Variants in GPR176 observed in about 807,000 individuals in gnomAD.
The protein encoded by GPR176 is G protein-coupled receptor 176.
Under a neutral mutation model 35.4 loss-of-function variants are expected in GPR176, and 26 were observed. The observed-to-expected ratio is 0.74, with a 90% CI of 0.54 to 1.02. GPR176 has a LOEUF of 1.02. Among genes scored for constraint, GPR176 ranks in the 50% least tolerant of loss-of-function variants. The pLI is 0.00. For missense variants in GPR176, 597 were observed against 665.3 expected (o/e 0.90, Z 1.13); for synonymous variants, 278 against 271.3 (o/e 1.02, Z -0.24).
chr15:39,918,537 TG>T (rs1297920531), intron 1 of GPR176, among the ~76,000 whole-genome samples: 1 of 152,172 alleles, frequency 6.6e-6, no homozygotes, highest in Admixed American at 6.5e-5. Flanking sequence ...ACACTTTAAG[TG>T]TGACAATACT....
intron 1 of GPR176, among the ~76,000 whole-genome samples, chr15:39,884,010 A>C (rs1320088122): frequency 1.3e-5 from 2 of 152,194 alleles, no homozygotes; most frequent in Non-Finnish European, 2.9e-5. Context: ...GTGATCCTGG[A>C]CCAACATCTC....
chr15:39,881,095 C>A (rs998740497), intron 1 of GPR176, among the ~76,000 whole-genome samples: 1 of 152,106 alleles, frequency 6.6e-6, no homozygotes, highest in African/African-American at 2.4e-5. Flanking sequence ...CACTTTTCAC[C>A]TTATAATTTA....
chr15:39,803,331 G>A (rs897088122), intron 2 of GPR176, among the ~76,000 whole-genome samples: 1 of 144,334 alleles, frequency 6.9e-6, no homozygotes, highest in Non-Finnish European at 1.5e-5. Flanking sequence ...CCAGGCTGGA[G>A]TATAGTGGCA....
chr15:39,915,717 A>C (rs1285955077), intron 1 of GPR176, among the ~76,000 whole-genome samples: 1 of 152,126 alleles, frequency 6.6e-6, no homozygotes, highest in Non-Finnish European at 1.5e-5. Flanking sequence ...TCTACTAAAA[A>C]TACAAAAAAA....
Position 39,865,470 on chromosome 15 carries a change from G to A in GPR176, c.172+54385C>T, listed in dbSNP as rs143942284. ...AGACACAAAATGACAAATACCATAT[G>A]TTCTTCCTTATAAGTGCGAGTTTAA... On this transcript the variant is annotated intron_variant, in intron 1 of 2. Coordinates refer to ENST00000561100, the MANE Select transcript of GPR176 (RefSeq NM_007223.3). Among the ~76,000 whole-genome samples, 4 of 152,214 alleles carry A rather than the reference G, an allele frequency of 2.6e-5. No individual in the cohort carries two copies. The East Asian group carries it at 7.7e-4, about 29-fold the overall frequency.
chr15:39,895,923 A>G (rs2033098444), intron 1 of GPR176, among the ~76,000 whole-genome samples: 3 of 152,340 alleles, frequency 2.0e-5, no homozygotes, highest in Admixed American at 6.5e-5. Flanking sequence ...TTCCAGTATT[A>G]AAAGCTTCGA....
chr15:39,843,565 G>A (rs889552550), intron 1 of GPR176, among the ~76,000 whole-genome samples: 2 of 148,666 alleles, frequency 1.3e-5, no homozygotes, highest in African/African-American at 2.5e-5. Flanking sequence ...TTGATTGACA[G>A]ATCAATAGTA....
chr15:39,806,505 C>T (rs1899197353), intron 2 of GPR176, among the ~76,000 whole-genome samples: 1 of 152,172 alleles, frequency 6.6e-6, no homozygotes, highest in African/African-American at 2.4e-5. Context: ...AAGCAATCAC[C>T]ACTGCAATAT....
chr15:39,918,543 A>C (rs1242878742), intron 1 of GPR176, among the ~76,000 whole-genome samples: 1 of 152,156 alleles, frequency 6.6e-6, no homozygotes, highest in Admixed American at 6.5e-5. Context: ...TAAGTGTGAC[A>C]ATACTCAGAA....
intron 1 of GPR176, among the ~76,000 whole-genome samples, chr15:39,832,945 T>C (rs1306637055): frequency 6.6e-6 from 1 of 152,172 alleles, no homozygotes; most frequent in African/African-American, 2.4e-5. Context: ...AAGGGCACAC[T>C]CAGATGATCT....
In GPR176 at chr15:39,877,727, A is replaced by C. The variant is rs948953157; in HGVS notation, c.172+42128T>G. Among the ~76,000 whole-genome samples the C allele has an allele frequency of 2.2e-4, 34 of 151,804 alleles. No homozygotes were observed. In the South Asian group the frequency reaches 2.3e-3, roughly 10 times the overall value. ...AGGCAGACGCCACCACACCTGGCTA[A>C]TTTTTGTATTTTTTGGCAGAGATGG... On this transcript the variant is annotated intron_variant, in intron 1 of 2. Transcript: ENST00000561100.
chr15:39,884,315 C>T (rs778170686), intron 1 of GPR176, among the ~76,000 whole-genome samples: 4 of 152,196 alleles, frequency 2.6e-5, no homozygotes, highest in Non-Finnish European at 5.9e-5. Flanking sequence ...ATAAGCCTAG[C>T]AGACATGGGA....
intron 1 of GPR176, among the ~76,000 whole-genome samples, chr15:39,857,843 C>T (rs2140820259): frequency 1.3e-5 from 2 of 150,996 alleles, no homozygotes; most frequent in East Asian, 3.9e-4. Context: ...TGGTGGCGGG[C>T]ACCTGTAGTC....
chr15:39,815,779 C>T (rs1044454309), intron 1 of GPR176, among the ~76,000 whole-genome samples: 1 of 152,154 alleles, frequency 6.6e-6, no homozygotes, highest in Non-Finnish European at 1.5e-5. Context: ...TCCCATGATT[C>T]AGCAATCCCA....
intron 1 of GPR176, chr15:39,807,680 A>G: frequency 1.4e-6 from 1 of 694,350 alleles, no homozygotes; most frequent in South Asian, 1.6e-5. Context: ...TATGGTAGCC[A>G]TGTTTTAAAA....
intron 1 of GPR176, among the ~76,000 whole-genome samples, chr15:39,816,124 G>GGGCT (rs1161419773): frequency 1.3e-5 from 2 of 152,160 alleles, no homozygotes; most frequent in East Asian, 3.8e-4. Context: ...AGTGTAGAAT[G>GGGCT]GGCTGCCAGT....
At chr15:39,803,825 G>T (rs1899035409) in intron 2 of GPR176, among the ~76,000 whole-genome samples, 1 of 152,150 alleles carries the variant, frequency 6.6e-6, no homozygotes, top group Non-Finnish European at 1.5e-5. Context: ...TCTGGCAGGG[G>T]GACCAGCTGA....
intron 1 of GPR176, among the ~76,000 whole-genome samples, chr15:39,826,760 A>G (rs187232927): frequency 0.013 from 2,020 of 152,352 alleles, 41 homozygotes; most frequent in African/African-American, 0.046. Context: ...TGGAGTAAAC[A>G]GAAGCCAGAG....
chr15:39,825,711 G>A (rs1049278390), intron 1 of GPR176, among the ~76,000 whole-genome samples: 5 of 151,836 alleles, frequency 3.3e-5, no homozygotes, highest in Admixed American at 6.6e-5. Flanking sequence ...TCTCATTTCC[G>A]CCAGCAATAT....
Sources: allele counts gnomAD v4.1 joint callset (sites outside exome capture counted in the v4.1 genomes callset), GRCh38; gene constraint gnomAD v4.1.1; transcripts MANE v1.5; gene names NCBI Gene and HGNC (gene_info 2026-07-23, HGNC 2026-07-21).